NLRP1: variants seen among roughly 807,000 people sequenced by gnomAD.
NLRP1 encodes NACHT, LRR and PYD domains-containing protein 1.
In NLRP1, 94 loss-of-function variants were observed where a neutral mutation model predicts 136.7. That is an observed-to-expected ratio of 0.69 (90% CI 0.58 to 0.82). The LOEUF (loss-of-function observed/expected upper bound fraction) is 0.82, where lower values mean the gene tolerates loss of function less well. Ranked by LOEUF, NLRP1 falls within the 40% of genes least tolerant of loss-of-function variation. The pLI, the probability that NLRP1 is intolerant of heterozygous loss-of-function variation, is 0.00. For synonymous variants in NLRP1, 690 were observed against 725.1 expected (o/e 0.95, Z 0.78); for missense variants, 1,575 against 1,802.7 (o/e 0.87, Z 2.29).
chr17:5,519,257 C>A (rs1184721034), intron 14 of NLRP1, among the ~76,000 whole-genome samples: 7 of 152,130 alleles, frequency 4.6e-5, no homozygotes, highest in Admixed American at 2.0e-4. Flanking sequence ...CCGCCTCAGC[C>A]TCCCAAAGTG....
At chr17:5,543,183 T>C (rs1473109952) in intron 5 of NLRP1, among the ~76,000 whole-genome samples, 1 of 152,070 alleles carries the variant, frequency 6.6e-6, no homozygotes, top group Non-Finnish European at 1.5e-5. Context: ...TAGCATACAG[T>C]AGGTGCTTAG....
chr17:5,529,306 A>G (rs1003340685), intron 12 of NLRP1, among the ~76,000 whole-genome samples: 1 of 150,998 alleles, frequency 6.6e-6, no homozygotes, highest in Non-Finnish European at 1.5e-5. Context: ...ATCTTTCTGG[A>G]ATTCCATTTA....
At chr17:5,532,370 G>C (rs549994874) in intron 11 of NLRP1, among the ~76,000 whole-genome samples, 1 of 152,194 alleles carries the variant, frequency 6.6e-6, no homozygotes, top group African/African-American at 2.4e-5. Flanking sequence ...TGCCAGCTTT[G>C]TCAGATGTGA....
rs1309885048 is a variant in NLRP1, at chr17:5,559,843, G to A, written c.853C>T (p.Gln285Ter). 1 of 1,614,248 alleles carries A rather than the reference G, an allele frequency of 6.2e-7. No homozygotes were observed. Among genetic ancestry groups the A allele is most frequent in the Non-Finnish European group, 8.5e-7 (1 of 1,180,036 alleles). Reference protein sequence around the residue: ...NQKFTQLLLLQRPHPRSQDPL... With the variant: ...NQKFTQLLLL ...TCTTGGCTTCTGGGGTGAGGTCTTT[G>A]TAGAAGTAGCAGCTGTGTGAATTTT... Residue 285 changes from glutamine (Q) to a stop codon, truncating the protein, a stop_gained, in exon 4 of 17, where the codon CAA becomes TAA. Coordinates refer to ENST00000572272, the MANE Select transcript of NLRP1 (RefSeq NM_033004.4). LOFTEE classifies it high-confidence loss of function.
intron 5 of NLRP1, among the ~76,000 whole-genome samples, chr17:5,550,501 A>C (rs899941212): frequency 2.6e-5 from 4 of 152,110 alleles, no homozygotes; most frequent in Non-Finnish European, 5.9e-5. Context: ...CATAATATTC[A>C]CTTATAATCC....
chr17:5,520,684 C>G (rs1908779897), intron 14 of NLRP1, among the ~76,000 whole-genome samples, 197 bp downstream of exon 14: 1 of 152,212 alleles, frequency 6.6e-6, no homozygotes, highest in African/African-American at 2.4e-5. Flanking sequence ...CCTTCACATC[C>G]TGCATGTGAT....
At chr17:5,524,459 C>T (rs1006725304) in intron 12 of NLRP1, among the ~76,000 whole-genome samples, 1 of 152,228 alleles carries the variant, frequency 6.6e-6, no homozygotes, top group Non-Finnish European at 1.5e-5. Context: ...TGCACATATT[C>T]TGCAGAAAGC....
chr17:5,546,653 G>C (rs1912701739), intron 5 of NLRP1, among the ~76,000 whole-genome samples: 1 of 152,070 alleles, frequency 6.6e-6, no homozygotes, highest in African/African-American at 2.4e-5. Flanking sequence ...GCCAGACATA[G>C]AAAGAAAAAC....
chr17:5,525,106 C>T lies in NLRP1; in HGVS notation c.3521-3320G>A, dbSNP rs114829685. ...GAAGTCTCACTGGCAGAAAGACCTA[C>T]GCTGCCTTTGGCTGGTTGCACCAGA... On this transcript the variant is annotated intron_variant, in intron 12 of 16. Coordinates refer to ENST00000572272, the MANE Select transcript of NLRP1 (RefSeq NM_033004.4). Among the ~76,000 whole-genome samples the T allele has an allele frequency of 5.5e-3, 832 of 152,308 alleles. 10 individuals are homozygous for T. The highest frequency in any genetic ancestry group is 0.018 in the African/African-American group (761 of 41,554).
chr17:5,535,861 G>T (rs531078958), intron 8 of NLRP1, among the ~76,000 whole-genome samples: 91 of 152,348 alleles, frequency 6.0e-4, no homozygotes, highest in Non-Finnish European at 1.1e-3. Flanking sequence ...ATTCCTCGGG[G>T]AAGGGAAGAT....
At chr17:5,550,451 A>T (rs140769542) in intron 5 of NLRP1, among the ~76,000 whole-genome samples, 2 of 152,228 alleles carry the variant, frequency 1.3e-5, no homozygotes, top group Non-Finnish European at 2.9e-5. Context: ...AAGTTGGCTC[A>T]TTTCATCTGG....
chr17:5,563,501 G>GCT (rs1914988104), intron 3 of NLRP1, among the ~76,000 whole-genome samples: 1 of 152,158 alleles, frequency 6.6e-6, no homozygotes, highest in Non-Finnish European at 1.5e-5. Context: ...ATTAACAACA[G>GCT]GATAGACCAA....
intron 8 of NLRP1, among the ~76,000 whole-genome samples, chr17:5,535,169 G>A (rs1052930814): frequency 2.6e-5 from 4 of 151,920 alleles, no homozygotes; most frequent in African/African-American, 7.3e-5. Context: ...ACAGTGAGCC[G>A]AGATCATGCC....
At chr17:5,524,543 A>ACCT in intron 12 of NLRP1, among the ~76,000 whole-genome samples, 1 of 151,734 alleles carries the variant, frequency 6.6e-6, no homozygotes, top group African/African-American at 2.4e-5. Flanking sequence ...AGATGGTATG[A>ACCT]CCTCCTTCAC....
intron 6 of NLRP1, among the ~76,000 whole-genome samples, chr17:5,540,722 C>T (rs914408101): frequency 6.6e-6 from 1 of 152,176 alleles, no homozygotes; most frequent in African/African-American, 2.4e-5. Flanking sequence ...GGATCGCCGA[C>T]CCCTGATACT....
At chr17:5,562,051 C>T (rs992313356) in intron 3 of NLRP1, among the ~76,000 whole-genome samples, 2 of 152,036 alleles carry the variant, frequency 1.3e-5, no homozygotes, top group African/African-American at 2.4e-5. Context: ...CTGAGGGGTG[C>T]AGCCTCCTGT....
rs77358593 is a variant in NLRP1 at position 5,502,293 on chromosome 17, T to C, written c.4070-421A>G. The C allele has an allele frequency of 3.8e-4, 20 of 52,118 alleles. No homozygotes were observed. The South Asian group carries it at 3.9e-3, about 10-fold the overall frequency. The allele number at this position is 52,118 out of a possible 1,614,324, so 3.2% of individuals were successfully genotyped here. A position where few individuals can be genotyped will look rare whatever the true frequency, so the allele number is the denominator to read the frequency against. On this transcript the variant is annotated intron_variant, in intron 15 of 15. Transcript: ENST00000262467. ...GAGAATGTAAAATGGTGCAGTTCCT[T>C]TTTTTTTTTTTTTTGAGACGGGGTC... is the stretch of plus-strand genomic sequence containing the variant.
At chr17:5,582,649 G>A (rs749580899) in intron 2 of NLRP1, 21 bp downstream of exon 2, 6 of 1,612,134 alleles carry the variant, frequency 3.7e-6, no homozygotes, top group Non-Finnish European at 5.1e-6. Flanking sequence ...AGGGCTGTCA[G>A]CCTGCCTCAG....
At position 5,514,416 on chromosome 17, in the gene NLRP1, G is replaced by A. The variant is rs1379339123; in HGVS notation, c.*338C>T. On this transcript the variant is annotated 3_prime_UTR_variant, in exon 17 of 17. Coordinates refer to ENST00000572272, the MANE Select transcript of NLRP1 (RefSeq NM_033004.4). Reference sequence around the variant, plus strand: ...CCTGTGACACAGCCAGAGGCAAATGGTTCCATGTCCCTCCTATTCCTCTTT... The same window carrying A: ...CCTGTGACACAGCCAGAGGCAAATGATTCCATGTCCCTCCTATTCCTCTTT... 5.2e-6 allele frequency: 6 copies of A among 1,148,508 alleles called. No homozygotes were observed. In the South Asian group the frequency reaches 1.4e-4, roughly 27 times the overall value. The allele number at this position is 1,148,508 out of a possible 1,614,324, so 71.1% of individuals were successfully genotyped here.
Sources: gnomAD v4.1 joint callset for allele counts (sites outside exome capture counted in the v4.1 genomes callset) on GRCh38, gnomAD v4.1.1 for gene constraint, MANE v1.5 for transcripts, NCBI Gene and HGNC (gene_info 2026-07-23, HGNC 2026-07-21) for gene names.